The following NCAPG2 variants were observed in gnomAD, a reference collection of about 807,000 sequenced individuals.
NCAPG2 encodes the protein condensin-2 complex subunit G2.
NCAPG2 carries 53 observed loss-of-function variants against 141.1 expected under a neutral mutation model. The observed-to-expected ratio is 0.38, with a 90% CI of 0.30 to 0.47. The LOEUF is 0.47. Among genes scored for constraint, NCAPG2 ranks in the 20% least tolerant of loss-of-function variants. The probability of loss-of-function intolerance (pLI) is 0.99; values close to 1 mark genes in which losing one functional copy is unlikely to be tolerated. For synonymous variants in NCAPG2, 499 were observed against 490.7 expected (o/e 1.02, Z -0.22); for missense variants, 1,087 against 1,389.0 (o/e 0.78, Z 3.46).
In NCAPG2 at chr7:158,655,070, T is replaced by G. The variant is rs749924993; in HGVS notation, c.2646+48A>C. ...AAGTAGAAAATGAAATCCTGAAACA[T>G]AACAAACTTGGTAAAGAGAAAGTTT... On this transcript the variant is annotated intron_variant, in intron 21 of 27. Transcript: ENST00000356309. 5 of 1,541,436 alleles carry G rather than the reference T, an allele frequency of 3.2e-6. No homozygotes were observed. In the South Asian group the frequency reaches 6.2e-5, roughly 19 times the overall value.
At position 158,690,692 on chromosome 7, in the gene NCAPG2, C is replaced by T. The variant is rs773534838; in HGVS notation, c.413G>A (p.Arg138Gln). The T allele has an allele frequency of 3.3e-5, 53 of 1,613,898 alleles. No individual in the cohort carries two copies. The highest frequency in any genetic ancestry group is 1.8e-4 in the South Asian group (16 of 91,078). ...ATCCTGAATAGAACTCTGTAGTTTTCGTTCAGACTCAGGTAATGCATATAA... is the reference window on the plus strand; with the variant it reads ...ATCCTGAATAGAACTCTGTAGTTTTTGTTCAGACTCAGGTAATGCATATAA... ...GILYALPESE[R>Q]KLQSSIQDLC... The change falls in exon 5 of 28, where the codon CGA becomes CAA. Residue 138 changes from arginine to glutamine, a missense_variant. Coordinates refer to ENST00000356309, the MANE Select transcript of NCAPG2 (RefSeq NM_017760.7).
At chr7:158,693,565 A>G in intron 2 of NCAPG2, 68 bp from the exon 3 acceptor site, 1 of 1,371,574 alleles carries the variant, frequency 7.3e-7, no homozygotes, top group Non-Finnish European at 1.0e-6. Context: ...TCATAATGTC[A>G]TCAAAAGAAA....
At chr7:158,677,427 T>C (rs1206905434) in intron 11 of NCAPG2, among the ~76,000 whole-genome samples, 1 of 149,586 alleles carries the variant, frequency 6.7e-6, no homozygotes. Flanking sequence ...GCTAACTACC[T>C]TACCAACCCA....
At chr7:158,654,478 C>A (rs1831748633) in intron 22 of NCAPG2, 117 bp downstream of exon 22, 2 of 1,018,640 alleles carry the variant, frequency 2.0e-6, no homozygotes, top group Non-Finnish European at 2.8e-6. Flanking sequence ...TGGGATATGC[C>A]AGGTTGCATT....
intron 24 of NCAPG2, among the ~76,000 whole-genome samples, chr7:158,648,516 C>G (rs200770878): frequency 6.9e-6 from 1 of 145,692 alleles, no homozygotes; most frequent in Non-Finnish European, 1.5e-5. Flanking sequence ...AAAGAATGGA[C>G]TATAACCACG....
In NCAPG2 at chr7:158,692,852, A is replaced by C. The variant is rs1341536359; in HGVS notation, c.372T>G (p.Ile124Met). The C allele has an allele frequency of 2.7e-5, 42 of 1,546,224 alleles. No individual in the cohort carries two copies. Among genetic ancestry groups the C allele is most frequent in the African/African-American group, 4.1e-5 (3 of 73,076 alleles). ...ENYEALLECV[I>M]ILNGILYALP... ...ACAAAATCAACTCACCATTTAATATAATAACACATTCCAGTAGGGCTTCGT... is the reference window on the plus strand; with the variant it reads ...ACAAAATCAACTCACCATTTAATATCATAACACATTCCAGTAGGGCTTCGT... The change falls in exon 4 of 28, where the codon ATT (isoleucine) becomes ATG (methionine). Residue 124 changes from isoleucine to methionine, a missense_variant. By Grantham distance (10) the Ile-to-Met change is conservative (BLOSUM62 1). Coordinates refer to ENST00000356309, the MANE Select transcript of NCAPG2 (RefSeq NM_017760.7).
intron 13 of NCAPG2, among the ~76,000 whole-genome samples, chr7:158,666,774 T>C (rs1192788870): frequency 6.6e-6 from 1 of 151,578 alleles, no homozygotes; most frequent in East Asian, 1.9e-4. Flanking sequence ...AAAAAATAAA[T>C]AAATAAAATA....
intron 13 of NCAPG2, among the ~76,000 whole-genome samples, chr7:158,671,000 G>A (rs781260139): frequency 4.9e-5 from 7 of 143,902 alleles, no homozygotes; most frequent in African/African-American, 1.8e-4. Flanking sequence ...AGCTGAAAGA[G>A]AACAATCACT....
chr7:158,693,799 A>C (rs1323663299), intron 2 of NCAPG2, among the ~76,000 whole-genome samples: 1 of 152,224 alleles, frequency 6.6e-6, no homozygotes, highest in Non-Finnish European at 1.5e-5. Context: ...GCTAAAGTTC[A>C]ATAACAATGG....
intron 22 of NCAPG2, among the ~76,000 whole-genome samples, chr7:158,652,803 A>G (rs1831582836): frequency 6.6e-6 from 1 of 152,244 alleles, no homozygotes; most frequent in Admixed American, 6.5e-5. Context: ...TTCCCTCAAC[A>G]CCTGAATTAG....
chr7:158,667,376 C>A (rs201507995), intron 13 of NCAPG2: 2 of 74,462 alleles, frequency 2.7e-5, no homozygotes, highest in Admixed American at 8.8e-4. Flanking sequence ...CCCTCCGCCC[C>A]CCCTTACCCA....
intron 19 of NCAPG2, among the ~76,000 whole-genome samples, chr7:158,656,027 G>A (rs1243329879): frequency 6.6e-6 from 1 of 152,184 alleles, no homozygotes; most frequent in Non-Finnish European, 1.5e-5. Flanking sequence ...TAGCGCCCTA[G>A]CAGGTGCAAC....
intron 24 of NCAPG2, among the ~76,000 whole-genome samples, chr7:158,650,573 T>C (rs1831411085): frequency 6.6e-6 from 1 of 152,214 alleles, no homozygotes; most frequent in Non-Finnish European, 1.5e-5. Context: ...CATAAAAGCA[T>C]GTTCAAATGT....
chr7:158,698,752 C>T (rs1432120197), intron 2 of NCAPG2, among the ~76,000 whole-genome samples: 1 of 151,946 alleles, frequency 6.6e-6, no homozygotes, highest in Admixed American at 6.6e-5. Flanking sequence ...TCGTTCCCAA[C>T]TTCCACTTCC....
intron 26 of NCAPG2, among the ~76,000 whole-genome samples, chr7:158,644,612 C>A (rs544185710): frequency 6.6e-6 from 1 of 152,264 alleles, no homozygotes; most frequent in African/African-American, 2.4e-5. Context: ...GGACCTCACC[C>A]CATGAAGCCA....
intron 27 of NCAPG2, among the ~76,000 whole-genome samples, chr7:158,637,885 T>C (rs1587049696): frequency 6.6e-6 from 1 of 152,112 alleles, no homozygotes; most frequent in South Asian, 2.1e-4. Flanking sequence ...GGCTCACCCC[T>C]GTAATCCCAG....
At chr7:158,667,440 A>C (rs1212301802) in intron 13 of NCAPG2, among the ~76,000 whole-genome samples, 4 of 100,366 alleles carry the variant, frequency 4.0e-5, no homozygotes, top group African/African-American at 7.9e-5. Flanking sequence ...CGCCCTCCTT[A>C]CCCACTACTG....
chr7:158,658,126 G>A (rs1425801893), intron 17 of NCAPG2, among the ~76,000 whole-genome samples: 1 of 144,590 alleles, frequency 6.9e-6, no homozygotes, highest in Non-Finnish European at 1.5e-5. Flanking sequence ...CCCCCTCTGT[G>A]AGAAACACCC....
chr7:158,681,219 CT>C (rs1260095175), intron 9 of NCAPG2, among the ~76,000 whole-genome samples: 16 of 152,218 alleles, frequency 1.1e-4, no homozygotes, highest in Admixed American at 6.5e-5. Context: ...TAACTAACCT[CT>C]TTATTACCAA....
Sources: gnomAD v4.1 joint callset for allele counts (sites outside exome capture counted in the v4.1 genomes callset) on GRCh38, gnomAD v4.1.1 for gene constraint, MANE v1.5 for transcripts, NCBI Gene and HGNC (gene_info 2026-07-23, HGNC 2026-07-21) for gene names.